Variants in EML2 observed in about 807,000 individuals in gnomAD.
EML2 encodes EMAP like 2, also known as echinoderm microtubule-associated protein-like 2.
Under a neutral mutation model 84.7 loss-of-function variants are expected in EML2, and 59 were observed. The ratio of observed to expected loss-of-function variants is 0.70; its 90% CI spans 0.56 to 0.86. EML2 has a LOEUF of 0.86. Among genes scored for constraint, EML2 ranks in the 40% least tolerant of loss-of-function variants. The pLI is 0.00. For missense variants in EML2, 818 were observed against 855.6 expected (o/e 0.96, Z 0.55); for synonymous variants, 352 against 348.9 (o/e 1.01, Z -0.10).
At chr19:45,634,262 G>C (rs1221655474) in intron 4 of EML2, 60 bp downstream of exon 4, 2 of 1,605,352 alleles carry the variant, frequency 1.2e-6, no homozygotes, top group African/African-American at 2.7e-5. Flanking sequence ...TAGAGGGGCA[G>C]GGGCTGGAGC....
At chr19:45,642,106 T>C (rs915624646), upstream of EML2, 1 of 1,466,854 alleles carries the variant, frequency 6.8e-7, no homozygotes, top group Non-Finnish European at 9.0e-7. Flanking sequence ...GTCCTCCCCA[T>C]CCCACCCCTC....
Position 45,609,436 on chromosome 19 carries a change from G to T in EML2, c.*227C>A, listed in dbSNP as rs1970254723. On this transcript the variant is annotated 3_prime_UTR_variant, in exon 19 of 19. Coordinates refer to ENST00000245925, the MANE Select transcript of EML2 (RefSeq NM_012155.4). ...GTCTTTATTTCTGGATGATATAAAA[G>T]AAAAAACTTAAAAAACACCCCAAAC... The T allele has an allele frequency of 2.3e-6, 1 of 432,490 alleles. No homozygotes were observed. Among genetic ancestry groups the T allele is most frequent in the Non-Finnish European group, 4.0e-6 (1 of 248,196 alleles). 26.8% of individuals were successfully genotyped at this position (432,490 alleles called of 1,614,324 possible).
upstream of EML2, chr19:45,641,241 CTG>C (rs200726160): frequency 4.7e-3 from 826 of 177,146 alleles, 7 homozygotes; most frequent in African/African-American, 0.018. Context: ...CAGGCGAACA[CTG>C]TGGCTGCACC....
upstream of EML2, chr19:45,641,580 A>G (rs1207896775): frequency 5.4e-6 from 8 of 1,490,164 alleles, no homozygotes; most frequent in African/African-American, 2.8e-5. Flanking sequence ...GGGCATGACT[A>G]CATTTCTCGA....
At chr19:45,617,534 G>C (rs1971232839) in intron 13 of EML2, 96 bp downstream of exon 13, 1 of 1,158,844 alleles carries the variant, frequency 8.6e-7, no homozygotes, top group Non-Finnish European at 1.2e-6. Flanking sequence ...TCAGGGCTCG[G>C]TAAATAGTGG....
chr19:45,639,529 G>T (rs1974204579), upstream of EML2: 2 of 698,802 alleles, frequency 2.9e-6, no homozygotes, highest in Non-Finnish European at 4.0e-6. Context: ...CACATCCCGG[G>T]CTGTGGACTC....
intron 3 of EML2, among the ~76,000 whole-genome samples, chr19:45,636,434 TG>T (rs1331608224): frequency 2.6e-5 from 4 of 152,176 alleles, no homozygotes; most frequent in African/African-American, 9.7e-5. Context: ...TTGTTTGTTT[TG>T]TTTTTTTCAT....
At chr19:45,642,345 A>C, upstream of EML2, 1 of 1,528,968 alleles carries the variant, frequency 6.5e-7, no homozygotes, top group East Asian at 2.5e-5. Flanking sequence ...TGCCCGACAA[A>C]TTGTCATCTG....
intron 3 of EML2, among the ~76,000 whole-genome samples, chr19:45,634,779 T>A (rs1973526885): frequency 6.6e-6 from 1 of 151,966 alleles, no homozygotes; most frequent in Non-Finnish European, 1.5e-5. Context: ...GCCAGGATGG[T>A]CTCGATCTCC....
upstream of EML2, chr19:45,645,404 C>T: frequency 1.3e-6 from 2 of 1,487,526 alleles, no homozygotes; most frequent in Non-Finnish European, 1.8e-6. Context: ...CCAACCAGGC[C>T]CTGCCTCCCG....
chr19:45,616,916 A>G, intron 13 of EML2, 63 bp from the exon 14 acceptor site: 2 of 1,236,470 alleles, frequency 1.6e-6, no homozygotes, highest in Admixed American at 1.9e-5. Context: ...AGAGGCCGCA[A>G]TCTGTGGGGT....
rs752102640 is a variant in EML2, at chr19:45,616,543, G to A, written c.1427C>T (p.Ala476Val). Residue 476 changes from alanine (A) to valine (V), a missense_variant, in exon 15 of 19, where the codon GCC becomes GTC. By Grantham distance (64) the Ala-to-Val change is moderately conservative. Transcript: ENST00000245925. The part of the protein sequence containing the change: ...VSFSPDGAYL[A>V]VGSHDNLVYV... ...CACCAAGTTGTCGTGGGAGCCCACG[G>A]CCAGGTACGCCCCGTCTGGGGGAGG... 1.9e-6 allele frequency: 3 copies of A among 1,610,704 alleles called. No individual in the cohort carries two copies. The South Asian group carries it at 3.3e-5, about 18-fold the overall frequency.
chr19:45,613,507 C>T (rs745529852), intron 18 of EML2, 34 bp downstream of exon 18: 1 of 1,608,884 alleles, frequency 6.2e-7, no homozygotes, highest in Middle Eastern at 1.7e-4. Context: ...CTGCTTGCTA[C>T]CCCCGTCCAT....
chr19:45,629,359 C>T (rs1419910235), intron 7 of EML2, among the ~76,000 whole-genome samples: 3 of 150,910 alleles, frequency 2.0e-5, no homozygotes, highest in Non-Finnish European at 4.4e-5. Context: ...GAGTTTAGCT[C>T]TTGTTGCCCA....
chr19:45,618,353 G>A (rs146888211), intron 12 of EML2, among the ~76,000 whole-genome samples: 101 of 152,118 alleles, frequency 6.6e-4, no homozygotes, highest in African/African-American at 2.4e-3. Context: ...GGGATTACAG[G>A]TGTCAGCCAC....
upstream of EML2, chr19:45,640,873 C>T (rs1974400545): frequency 6.6e-6 from 1 of 152,366 alleles, no homozygotes; most frequent in South Asian, 2.0e-4. Flanking sequence ...TCAGTATGGC[C>T]CCGCCTCTGG....
chr19:45,618,876 G>C, intron 12 of EML2, 184 bp downstream of exon 12: 2 of 476,172 alleles, frequency 4.2e-6, no homozygotes, highest in Admixed American at 7.4e-5. Context: ...GAACCCGGGA[G>C]GCGGAGGTTG....
chr19:45,611,620 G>C (rs1970508215), intron 18 of EML2, among the ~76,000 whole-genome samples: 1 of 151,740 alleles, frequency 6.6e-6, no homozygotes, highest in Admixed American at 6.6e-5. Context: ...TGAGTAGTTG[G>C]GATCACAGGT....
rs1485862964 is a variant in EML2, at chr19:45,613,584, A to G, written c.1781T>C (p.Phe594Ser). 6.2e-7 allele frequency: 1 copy of G among 1,614,104 alleles called. No individual in the cohort carries two copies. The highest frequency in any genetic ancestry group is 1.1e-5 in the South Asian group (1 of 91,076). ...DGKLLASADD[F>S]GKVHLFSYPC... ...GTAGCTAAACAGGTGAACTTTGCCA[A>G]AGTCATCAGCTGAAGCCAGCAACTT... The change falls in exon 18 of 19, where the codon TTT becomes TCT. Residue 594 changes from phenylalanine to serine, a missense_variant. By Grantham distance (155) the Phe-to-Ser change is radical. Coordinates refer to ENST00000245925, the MANE Select transcript of EML2 (RefSeq NM_012155.4).
Sources: gnomAD v4.1 joint callset for allele counts (sites outside exome capture counted in the v4.1 genomes callset) on GRCh38, gnomAD v4.1.1 for gene constraint, MANE v1.5 for transcripts, NCBI Gene and HGNC (gene_info 2026-07-23, HGNC 2026-07-21) for gene names.